RRAS2: variants seen among roughly 807,000 people sequenced by gnomAD.
RRAS2 encodes the protein ras-related protein R-Ras2.
A neutral mutation model predicts 27.6 loss-of-function variants in RRAS2; 7 were observed. The observed-to-expected ratio is 0.25, with a 90% confidence interval of 0.14 to 0.48. The LOEUF (loss-of-function observed/expected upper bound fraction) is 0.48, where lower values mean the gene tolerates loss of function less well. Among genes scored for constraint, RRAS2 ranks in the 20% least tolerant of loss-of-function variants. The pLI is 0.99. For synonymous variants in RRAS2, 86 were observed against 90.9 expected (o/e 0.95, Z 0.31); for missense variants, 178 against 256.2 (o/e 0.69, Z 2.08).
chr11:14,352,756 T>C (rs55960864), intron 1 of RRAS2, among the ~76,000 whole-genome samples: 1 of 128,678 alleles, frequency 7.8e-6, no homozygotes, highest in Non-Finnish European at 1.7e-5. Context: ...TATATATATA[T>C]AGAGAGAGAG....
In RRAS2 at chr11:14,358,399, C is replaced by A; in HGVS notation, c.108+364G>T. On this transcript the variant is annotated intron_variant, in intron 1 of 5. Transcript: ENST00000256196. This position sits in a 1 kb window ranked among gnomAD's most constrained non-coding sequence, Gnocchi z 5.1. ...AAAGCAGCGCGCGGGGCTCCAGCTC[C>A]AGCCCCACGCCCGGACCCTCGGAGC... The A allele has an allele frequency of 1.0e-6, 1 of 985,546 alleles. No homozygotes were observed. The highest frequency in any genetic ancestry group is 1.2e-6 in the Non-Finnish European group (1 of 830,068). The allele number at this position is 985,546 out of a possible 1,614,324, so 61.1% of individuals were successfully genotyped here. A position where few individuals can be genotyped will look rare whatever the true frequency, so the allele number is the denominator to read the frequency against.
chr11:14,300,864 A>G (rs1847680337), intron 1 of RRAS2, among the ~76,000 whole-genome samples: 1 of 152,116 alleles, frequency 6.6e-6, no homozygotes, highest in Non-Finnish European at 1.5e-5. Context: ...TTCTGACACC[A>G]AGCTATTGGT....
intron 1 of RRAS2, among the ~76,000 whole-genome samples, chr11:14,331,344 CA>C (rs1438631702): frequency 1.3e-5 from 2 of 151,914 alleles, no homozygotes; most frequent in African/African-American, 4.8e-5. Flanking sequence ...AATGGCTTAA[CA>C]AAAACAAAGA....
chr11:14,349,815 T>G (rs1379629000), intron 1 of RRAS2, among the ~76,000 whole-genome samples: 1 of 152,220 alleles, frequency 6.6e-6, no homozygotes, highest in Non-Finnish European at 1.5e-5. Context: ...ACTCCTTCAG[T>G]GTAGTTAAGT....
chr11:14,352,117 A>G (rs2134038403), intron 1 of RRAS2, among the ~76,000 whole-genome samples: 1 of 152,306 alleles, frequency 6.6e-6, no homozygotes, highest in South Asian at 2.1e-4. Flanking sequence ...TAACACTTAT[A>G]TTCTTATTTC....
intron 1 of RRAS2, among the ~76,000 whole-genome samples, chr11:14,346,221 G>A (rs1554954044): frequency 6.6e-6 from 1 of 152,132 alleles, no homozygotes; most frequent in Admixed American, 6.5e-5. Context: ...CTTTTCATTA[G>A]CTAACTTAAA....
At chr11:14,352,971 G>A (rs1848995724) in intron 1 of RRAS2, among the ~76,000 whole-genome samples, 1 of 151,842 alleles carries the variant, frequency 6.6e-6, no homozygotes, top group African/African-American at 2.4e-5. Flanking sequence ...GCTAATTTTT[G>A]TATTTTTAGT....
upstream of RRAS2, among the ~76,000 whole-genome samples, chr11:14,364,051 C>G (rs1554956450): frequency 2.0e-5 from 3 of 152,178 alleles, no homozygotes; most frequent in African/African-American, 7.2e-5. Context: ...GCCTGGGCAA[C>G]AAGAGCGAAA....
At chr11:14,356,802 T>TTG (rs1554955491) in intron 1 of RRAS2, 8 of 93,188 alleles carry the variant, frequency 8.6e-5, no homozygotes, top group Admixed American at 5.6e-4. Context: ...CAATTAATGC[T>TTG]TTTTTTTTTT....
chr11:14,345,605 TAC>T (rs1168941733), intron 1 of RRAS2, among the ~76,000 whole-genome samples: 2 of 152,162 alleles, frequency 1.3e-5, no homozygotes, highest in African/African-American at 4.8e-5. Flanking sequence ...CTTTTAAGAA[TAC>T]ACACACTCTT....
intron 1 of RRAS2, among the ~76,000 whole-genome samples, chr11:14,329,673 T>C (rs1028896383): frequency 6.6e-6 from 1 of 152,268 alleles, no homozygotes; most frequent in Middle Eastern, 3.4e-3. Context: ...CTGGCCATGA[T>C]GCCAAAAGTA....
At chr11:14,279,535 T>C in intron 5 of RRAS2, 111 bp from the exon 6 acceptor site, 2 of 818,134 alleles carry the variant, frequency 2.4e-6, no homozygotes, top group Non-Finnish European at 4.1e-6. Context: ...TTTTCAGTGT[T>C]AAACTTCAAC....
chr11:14,285,226 T>C (rs1317351607), intron 4 of RRAS2, among the ~76,000 whole-genome samples: 4 of 152,186 alleles, frequency 2.6e-5, no homozygotes, highest in Non-Finnish European at 5.9e-5. Context: ...ATTCAAATGA[T>C]ACCATACCAA....
chr11:14,340,086 C>T lies in RRAS2; in HGVS notation c.108+18677G>A, dbSNP rs1554953087. Among the ~76,000 whole-genome samples, 7 of 139,308 alleles carry T rather than the reference C, an allele frequency of 5.0e-5. No individual in the cohort carries two copies. The South Asian group carries it at 1.6e-3, about 32-fold the overall frequency. The allele number at this position is 139,308 out of a possible 152,430, so 91.4% of individuals were successfully genotyped here. ...GGGAGGTTGCAGTGAGCCGAGGTCG[C>T]GCCACTACACTCCAGCCTGGGAGAC... is the stretch of plus-strand genomic sequence containing the variant. On this transcript the variant is annotated intron_variant, in intron 1 of 5. Coordinates refer to ENST00000256196, the MANE Select transcript of RRAS2 (RefSeq NM_012250.6).
At chr11:14,297,718 T>C (rs899695755) in intron 1 of RRAS2, among the ~76,000 whole-genome samples, 2 of 152,158 alleles carry the variant, frequency 1.3e-5, no homozygotes, top group East Asian at 1.9e-4. Flanking sequence ...GGTATGATCA[T>C]GCCACACTGC....
chr11:14,344,989 T>TTA (rs1848799416), intron 1 of RRAS2, among the ~76,000 whole-genome samples: 1 of 144,064 alleles, frequency 6.9e-6, no homozygotes, highest in Non-Finnish European at 1.5e-5. Context: ...AAGACTTTAT[T>TTA]TTTTTTTTTT....
Position 14,279,159 on chromosome 11 carries a change from T to C in RRAS2, c.*178A>G, listed in dbSNP as rs1849450876. ...AGCAGCCTTAGTGTTTCCTTTAAAT[T>C]TGTCTGGAAATGACCATTGTATTAG... On this transcript the variant is annotated 3_prime_UTR_variant, in exon 6 of 6. Transcript: ENST00000256196. 4 of 578,274 alleles carry C rather than the reference T, an allele frequency of 6.9e-6. No homozygotes were observed. The highest frequency in any genetic ancestry group is 1.2e-5 in the Non-Finnish European group (4 of 321,778). 35.8% of individuals were successfully genotyped at this position (578,274 alleles called of 1,614,324 possible). A position where few individuals can be genotyped will look rare whatever the true frequency, so the allele number is the denominator to read the frequency against.
At position 14,345,949 on chromosome 11, in the gene RRAS2, AAAAC is replaced by A. The variant is rs532359322; in HGVS notation, c.108+12810_108+12813del. 9.1e-4 allele frequency among the ~76,000 whole-genome samples: 138 copies of A among 152,346 alleles called. 1 individual carries two copies. The highest frequency in any genetic ancestry group is 3.3e-3 in the African/African-American group (136 of 41,582). On this transcript the variant is annotated intron_variant, in intron 1 of 5. Transcript: ENST00000256196. Reference sequence around the variant, plus strand: ...AGCAACTCTTCATGAATAAACAAGAAAAACAAATATATTCTTCCACACAAAGAAA... The same window carrying A: ...AGCAACTCTTCATGAATAAACAAGAAAAATATATTCTTCCACACAAAGAAA...
intron 1 of RRAS2, among the ~76,000 whole-genome samples, chr11:14,350,119 TTTC>T (rs1468667334): frequency 6.6e-6 from 1 of 152,240 alleles, no homozygotes; most frequent in South Asian, 2.1e-4. Flanking sequence ...ACATACGTAT[TTTC>T]TTATTTCTCC....
Sources: gnomAD v4.1 joint callset for allele counts (sites outside exome capture counted in the v4.1 genomes callset) on GRCh38, gnomAD v4.1.1 for gene constraint, Gnocchi (gnomAD v3.1) non-coding constraint, MANE v1.5 for transcripts, NCBI Gene and HGNC (gene_info 2026-07-23, HGNC 2026-07-21) for gene names.